The following AGBL4 variants were observed in gnomAD, a reference collection of about 807,000 sequenced individuals.
AGBL4 encodes AGBL carboxypeptidase 4.
In AGBL4, 58 loss-of-function variants were observed where a neutral mutation model predicts 66.4. The observed-to-expected ratio is 0.87, with a 90% CI of 0.71 to 1.09. The LOEUF is 1.09. AGBL4 is among the 50% of genes least tolerant of loss of function. The pLI, the probability that AGBL4 is intolerant of heterozygous loss-of-function variation, is 0.00. For synonymous variants in AGBL4, 234 were observed against 222.9 expected, an observed-to-expected ratio of 1.05 and a Z score of -0.44; for missense variants, 579 against 631.0, an observed-to-expected ratio of 0.92 and a Z score of 0.88.
At chr1:49,641,584 G>T (rs373431057) in intron 3 of AGBL4, among the ~76,000 whole-genome samples, 1 of 151,970 alleles carries the variant, frequency 6.6e-6, no homozygotes, top group Non-Finnish European at 1.5e-5. Context: ...TTTAACAGTG[G>T]TTATATGGTC....
intron 3 of AGBL4, among the ~76,000 whole-genome samples, chr1:49,538,828 T>C (rs544391419): frequency 2.6e-5 from 4 of 152,336 alleles, no homozygotes; most frequent in African/African-American, 7.2e-5. Context: ...GTTATTTTCA[T>C]TCACTGCATA....
intron 4 of AGBL4, among the ~76,000 whole-genome samples, chr1:49,064,833 C>A (rs545482887): frequency 6.6e-6 from 1 of 152,214 alleles, no homozygotes; most frequent in African/African-American, 2.4e-5. Context: ...AAAAAACAAG[C>A]AGATTATATT....
intron 6 of AGBL4, among the ~76,000 whole-genome samples, chr1:48,770,975 C>A (rs1222862746): frequency 6.6e-6 from 1 of 152,212 alleles, no homozygotes; most frequent in Non-Finnish European, 1.5e-5. Context: ...GTTCACTAAA[C>A]AACTGTTTGA....
chr1:48,613,554 C>T (rs925847139), intron 9 of AGBL4, among the ~76,000 whole-genome samples: 6 of 152,150 alleles, frequency 3.9e-5, no homozygotes, highest in Non-Finnish European at 7.4e-5. Context: ...CTGACTTTGG[C>T]CTTGGCTTGA....
intron 1 of AGBL4, among the ~76,000 whole-genome samples, chr1:49,896,449 A>G (rs1040401425): frequency 2.3e-4 from 33 of 146,596 alleles, no homozygotes; most frequent in African/African-American, 7.6e-4. Context: ...AAAGGCTGAA[A>G]CCTGATGGCT....
intron 3 of AGBL4, among the ~76,000 whole-genome samples, chr1:49,587,106 T>A (rs896434974): frequency 6.6e-6 from 1 of 151,654 alleles, no homozygotes; most frequent in East Asian, 1.9e-4. Flanking sequence ...ATTAGACAGG[T>A]GTAGTGGCAT....
chr1:48,572,366 G>A (rs1410806689), intron 11 of AGBL4, among the ~76,000 whole-genome samples: 4 of 151,926 alleles, frequency 2.6e-5, no homozygotes, highest in Non-Finnish European at 5.9e-5. Flanking sequence ...TGTATTTAGT[G>A]CAATGCATTT....
At chr1:48,547,415 A>T (rs957193269) in intron 11 of AGBL4, among the ~76,000 whole-genome samples, 1 of 151,990 alleles carries the variant, frequency 6.6e-6, no homozygotes, top group Non-Finnish European at 1.5e-5. Flanking sequence ...AAAGGAGGGG[A>T]AGGAGTGAAG....
chr1:49,391,756 T>C (rs1644855353), intron 3 of AGBL4, among the ~76,000 whole-genome samples: 1 of 151,968 alleles, frequency 6.6e-6, no homozygotes, highest in Non-Finnish European at 1.5e-5. Context: ...GGAGATGGGG[T>C]TTCACTGTGT....
chr1:49,807,818 C>T (rs1645008882), intron 2 of AGBL4, among the ~76,000 whole-genome samples: 1 of 152,180 alleles, frequency 6.6e-6, no homozygotes, highest in African/African-American at 2.4e-5. Flanking sequence ...ATAATTATGT[C>T]ATGAGGGCAG....
intron 1 of AGBL4, among the ~76,000 whole-genome samples, chr1:49,986,828 G>A (rs553433147): frequency 6.6e-6 from 1 of 152,008 alleles, no homozygotes; most frequent in East Asian, 1.9e-4. Context: ...ACCATTGCCC[G>A]TGAAAACAAC....
At chr1:49,565,971 C>G (rs1038232998) in intron 3 of AGBL4, among the ~76,000 whole-genome samples, 2 of 152,150 alleles carry the variant, frequency 1.3e-5, no homozygotes, top group African/African-American at 2.4e-5. Context: ...TTCACATAGT[C>G]CCATATTTCT....
chr1:49,272,997 G>A (rs1164673546), intron 3 of AGBL4, among the ~76,000 whole-genome samples: 4 of 152,044 alleles, frequency 2.6e-5, no homozygotes, highest in African/African-American at 7.2e-5. Context: ...ATGTTTTAAA[G>A]TTATAAATGT....
intron 3 of AGBL4, among the ~76,000 whole-genome samples, chr1:49,623,576 C>T (rs188296832): frequency 2.0e-5 from 3 of 152,126 alleles, no homozygotes; most frequent in African/African-American, 7.2e-5. Flanking sequence ...TCCTTTTACC[C>T]GGATGGTTCT....
At chr1:48,894,624 A>G (rs901729406) in intron 5 of AGBL4, among the ~76,000 whole-genome samples, 2 of 145,118 alleles carry the variant, frequency 1.4e-5, no homozygotes, top group Non-Finnish European at 3.0e-5. Context: ...AGTATATAGT[A>G]AAAAAAAAAG....
chr1:49,603,660 T>A (rs1010454749), intron 3 of AGBL4, among the ~76,000 whole-genome samples: 1 of 152,106 alleles, frequency 6.6e-6, no homozygotes, highest in African/African-American at 2.4e-5. Flanking sequence ...TACATGTCAT[T>A]ACATTACAAG....
intron 3 of AGBL4, among the ~76,000 whole-genome samples, chr1:49,516,075 C>CA (rs34349640): frequency 1.3e-3 from 187 of 147,666 alleles, no homozygotes; most frequent in African/African-American, 2.6e-3. Context: ...CCCCCCCCCA[C>CA]AAAAAAAAAT....
At chr1:49,363,130 A>C (rs1557871090) in intron 3 of AGBL4, among the ~76,000 whole-genome samples, 1 of 152,234 alleles carries the variant, frequency 6.6e-6, no homozygotes, top group African/African-American at 2.4e-5. Flanking sequence ...GAGAAGACTA[A>C]AGACAAGCTT....
intron 4 of AGBL4, among the ~76,000 whole-genome samples, chr1:49,123,753 A>C (rs575077922): frequency 6.6e-6 from 1 of 152,268 alleles, no homozygotes; most frequent in East Asian, 1.9e-4. Context: ...TGTCCTAAGA[A>C]ACTTAATTGA....
Sources: allele counts gnomAD v4.1 joint callset (sites outside exome capture counted in the v4.1 genomes callset), GRCh38; gene constraint gnomAD v4.1.1; transcripts MANE v1.5; gene names NCBI Gene and HGNC (gene_info 2026-07-23, HGNC 2026-07-21).